Variants in PRORP observed in about 807,000 individuals in gnomAD.
The protein encoded by PRORP is protein only RNase P catalytic subunit.
PRORP carries 51 observed loss-of-function variants against 59.4 expected under a neutral mutation model. The ratio of observed to expected loss-of-function variants is 0.86; its 90% CI spans 0.69 to 1.08. The LOEUF is 1.08. PRORP is among the 50% of genes least tolerant of loss of function. The pLI is 0.00. For missense variants in PRORP, 646 were observed against 690.3 expected, an observed-to-expected ratio of 0.94 and a Z score of 0.72; for synonymous variants, 231 against 245.6, an observed-to-expected ratio of 0.94 and a Z score of 0.55.
chr14:35,263,077 G>A, intron 5 of PRORP: 1 of 1,329,316 alleles, frequency 7.5e-7, no homozygotes, highest in African/African-American at 1.4e-5. Context: ...GATGCCGGAT[G>A]ATTCCTAAGA....
At chr14:35,156,357 C>T (rs1375909574) in intron 4 of PRORP, among the ~76,000 whole-genome samples, 1 of 152,170 alleles carries the variant, frequency 6.6e-6, no homozygotes, top group Non-Finnish European at 1.5e-5. Context: ...AGAGTGCTGG[C>T]TTTTCTTTCA....
chr14:35,172,287 G>GA (rs1398823629), intron 4 of PRORP, among the ~76,000 whole-genome samples: 1 of 151,822 alleles, frequency 6.6e-6, no homozygotes, highest in East Asian at 1.9e-4. Flanking sequence ...GACCTCAGGT[G>GA]AGGCACCTGC....
chr14:35,197,333 G>C (rs983005997), intron 5 of PRORP, among the ~76,000 whole-genome samples: 5 of 152,096 alleles, frequency 3.3e-5, no homozygotes, highest in African/African-American at 2.4e-5. Context: ...ATTTTAACAA[G>C]AAAAGTTTAA....
At chr14:35,212,645 G>A (rs950747397) in intron 5 of PRORP, among the ~76,000 whole-genome samples, 1 of 152,202 alleles carries the variant, frequency 6.6e-6, no homozygotes, top group Non-Finnish European at 1.5e-5. Flanking sequence ...GCTGGAAACA[G>A]ATGTGCCATC....
intron 4 of PRORP, among the ~76,000 whole-genome samples, chr14:35,170,020 A>G (rs1165490498): frequency 6.6e-6 from 1 of 152,076 alleles, no homozygotes; most frequent in African/African-American, 2.4e-5. Context: ...TTATGATATG[A>G]CTTTGATGTA....
chr14:35,256,212 A>G (rs1400524598), intron 5 of PRORP, among the ~76,000 whole-genome samples: 1 of 138,936 alleles, frequency 7.2e-6, no homozygotes, highest in African/African-American at 2.7e-5. Flanking sequence ...TAAGCCCAGG[A>G]GGCGGAGGCT....
intron 5 of PRORP, among the ~76,000 whole-genome samples, chr14:35,246,310 C>G (rs1038650602): frequency 5.9e-5 from 9 of 152,172 alleles, no homozygotes; most frequent in Admixed American, 1.3e-4. Context: ...CTGGTTCTCT[C>G]TCTCTAAACT....
At chr14:35,263,084 A>G in intron 5 of PRORP, 1 of 1,294,210 alleles carries the variant, frequency 7.7e-7, no homozygotes, top group Non-Finnish European at 1.1e-6. Flanking sequence ...GATGATTCCT[A>G]AGACCTATTT....
intron 5 of PRORP, among the ~76,000 whole-genome samples, chr14:35,254,815 C>A (rs577440038): frequency 6.6e-6 from 1 of 152,148 alleles, no homozygotes; most frequent in Non-Finnish European, 1.5e-5. Flanking sequence ...ATTTCTGGCA[C>A]GTCCCATGTC....
intron 4 of PRORP, among the ~76,000 whole-genome samples, chr14:35,154,876 G>A (rs773223636): frequency 6.6e-6 from 1 of 151,934 alleles, no homozygotes; most frequent in South Asian, 2.1e-4. Context: ...TTTATTTAGG[G>A]TTAATAATGC....
rs2051270137 is a variant in PRORP, at chr14:35,274,391, G to A, written c.*825G>A. Reference sequence around the variant, plus strand: ...TAGTCTCCAACCCCTGGCCTCAGTCGATCCCCAGCAATTTGGGAGATTGAA... The same window carrying A: ...TAGTCTCCAACCCCTGGCCTCAGTCAATCCCCAGCAATTTGGGAGATTGAA... On this transcript the variant is annotated 3_prime_UTR_variant, in exon 8 of 8. Coordinates refer to ENST00000534898, the MANE Select transcript of PRORP (RefSeq NM_014672.4). The A allele has an allele frequency of 6.7e-6, 1 of 150,148 alleles. No homozygotes were observed. Among genetic ancestry groups the A allele is most frequent in the Admixed American group, 6.7e-5 (1 of 14,880 alleles). 9.3% of individuals were successfully genotyped at this position (150,148 alleles called of 1,614,324 possible).
chr14:35,245,771 G>C (rs2050467220), intron 5 of PRORP, among the ~76,000 whole-genome samples: 2 of 152,082 alleles, frequency 1.3e-5, no homozygotes, highest in Non-Finnish European at 2.9e-5. Context: ...AATCATCCTG[G>C]GATCTCCCTT....
intron 5 of PRORP, among the ~76,000 whole-genome samples, chr14:35,253,313 G>T (rs2050656795): frequency 6.9e-6 from 1 of 144,322 alleles, no homozygotes; most frequent in Non-Finnish European, 1.5e-5. Context: ...CAGCCTGGGT[G>T]ACAGAATGAG....
intron 5 of PRORP, among the ~76,000 whole-genome samples, chr14:35,240,025 A>G (rs1232440218): frequency 6.6e-6 from 1 of 151,132 alleles, no homozygotes; most frequent in Non-Finnish European, 1.5e-5. Context: ...CAGTGAGTGG[A>G]GATCATGCCA....
chr14:35,207,173 G>A (rs994275393), intron 5 of PRORP, among the ~76,000 whole-genome samples: 11 of 152,136 alleles, frequency 7.2e-5, no homozygotes, highest in South Asian at 2.1e-4. Flanking sequence ...TGGCGATGCC[G>A]GAGCCCTCTG....
chr14:35,198,826 A>T (rs1041283397), intron 5 of PRORP, among the ~76,000 whole-genome samples: 1 of 151,882 alleles, frequency 6.6e-6, no homozygotes, highest in African/African-American at 2.4e-5. Flanking sequence ...AGGTCAAGAG[A>T]TTGAGACCAT....
chr14:35,145,755 A>G (rs1170103216), intron 4 of PRORP, among the ~76,000 whole-genome samples: 1 of 141,436 alleles, frequency 7.1e-6, no homozygotes. Flanking sequence ...GAAGGAAGGA[A>G]GGAAACAGCC....
chr14:35,267,441 T>C (rs1364715808), intron 6 of PRORP, among the ~76,000 whole-genome samples: 1 of 152,010 alleles, frequency 6.6e-6, no homozygotes, highest in Non-Finnish European at 1.5e-5. Context: ...AGTGAGTTAT[T>C]TGAGAAATGG....
At chr14:35,161,717 G>A (rs912147433) in intron 4 of PRORP, among the ~76,000 whole-genome samples, 2 of 151,950 alleles carry the variant, frequency 1.3e-5, no homozygotes, top group East Asian at 1.9e-4. Flanking sequence ...GAAGAAGAGT[G>A]GGATTAAAAA....
Sources: allele counts gnomAD v4.1 joint callset (sites outside exome capture counted in the v4.1 genomes callset), GRCh38; gene constraint gnomAD v4.1.1; transcripts MANE v1.5; gene names NCBI Gene and HGNC (gene_info 2026-07-23, HGNC 2026-07-21).